Variants in CD163L1 observed in about 807,000 individuals in gnomAD.
CD163L1 encodes CD163 molecule like 1.
A neutral mutation model predicts 165.4 loss-of-function variants in CD163L1; 124 were observed. That is an observed-to-expected ratio of 0.75 (90% CI 0.65 to 0.87). The LOEUF (loss-of-function observed/expected upper bound fraction) is 0.87. CD163L1 is among the 40% of genes least tolerant of loss of function. The pLI, the probability that CD163L1 is intolerant of heterozygous loss-of-function variation, is 0.00. For missense variants in CD163L1, 1,525 were observed against 1,799.9 expected (o/e 0.85, Z 2.76); for synonymous variants, 585 against 662.2 (o/e 0.88, Z 1.79).
rs747769128 is a variant in CD163L1 at position 7,444,118 on chromosome 12, G to A, written c.10C>T (p.Pro4Ser). Reference sequence around the variant, plus strand: ...TTACCAATATGCCACGAGTTTTGAGGCAGCATCATTATGGGTCTATCTCTT... The same window carrying A: ...TTACCAATATGCCACGAGTTTTGAGACAGCATCATTATGGGTCTATCTCTT... Reference protein sequence around the residue: MMLPQNSWHIDFGR... With the variant: MMLSQNSWHIDFGR... The change falls in exon 1 of 20, where the codon CCT (proline) becomes TCT (serine). Residue 4 changes from proline to serine, a missense_variant. Physicochemically the swap from Pro to Ser is moderately conservative, Grantham distance 74 (BLOSUM62 -1). Transcript: ENST00000313599. 19 of 1,613,620 alleles carry A rather than the reference G, an allele frequency of 1.2e-5. No individual in the cohort carries two copies. Among genetic ancestry groups the A allele is most frequent in the Admixed American group, 3.3e-5 (2 of 59,992 alleles).
chr12:7,441,227 ACAG>A lies in CD163L1; in HGVS notation c.48_50del (p.Cys17del), dbSNP rs747633605. The A allele has an allele frequency of 6.2e-7, 1 of 1,613,968 alleles. No homozygotes were observed. The highest frequency in any genetic ancestry group is 1.1e-5 in the South Asian group (1 of 91,054). ...CCACAGCAGAGAAAAGGTTCTGATGACAGCAGCATCTTCCAAAATCTGGAGAAA... is the reference window on the plus strand; with the variant it reads ...CCACAGCAGAGAAAAGGTTCTGATGACAGCATCTTCCAAAATCTGGAGAAA... On this transcript the variant is annotated inframe_deletion, in exon 2 of 20. Coordinates refer to ENST00000313599, the MANE Select transcript of CD163L1 (RefSeq NM_174941.6).
downstream of CD163L1, among the ~76,000 whole-genome samples, chr12:7,353,210 T>C (rs1308601556): frequency 6.6e-6 from 1 of 151,988 alleles, no homozygotes; most frequent in African/African-American, 2.4e-5. Flanking sequence ...ATAGTAACTT[T>C]AAAATTCCAG....
Position 7,369,849 on chromosome 12 carries a change from G to A in CD163L1, c.3731-184C>T, listed in dbSNP as rs777805048. 5.3e-5 allele frequency among the ~76,000 whole-genome samples: 8 copies of A among 152,296 alleles called. No homozygotes were observed. Among genetic ancestry groups the A allele is most frequent in the African/African-American group, 1.9e-4 (8 of 41,554 alleles). On this transcript the variant is annotated intron_variant, in intron 14 of 19. Coordinates refer to ENST00000313599, the MANE Select transcript of CD163L1 (RefSeq NM_174941.6). The surrounding 1 kb of genome is among the most constrained non-coding windows in gnomAD (Gnocchi z 4.9). ...AGTGAATAAACCCCTATACATGACT[G>A]TGGTTTGTCCTAGTCACACTCAAGG...
chr12:7,414,169 C>A (rs1198573140), intron 4 of CD163L1, among the ~76,000 whole-genome samples: 1 of 152,046 alleles, frequency 6.6e-6, no homozygotes, highest in African/African-American at 2.4e-5. Context: ...GAATGCTCTT[C>A]TTAAAGAAAC....
At chr12:7,421,076 TATATATATAC>T (rs1565808966) in intron 4 of CD163L1, among the ~76,000 whole-genome samples, 3,334 of 94,028 alleles carry the variant, frequency 0.035, 72 homozygotes, top group Admixed American at 0.097. Flanking sequence ...TATATATACG[TATATATATAC>T]GTATATATAT....
At position 7,373,496 on chromosome 12, in the gene CD163L1, C is replaced by T. The variant is rs779478020; in HGVS notation, c.3554G>A (p.Gly1185Asp). The T allele has an allele frequency of 1.2e-6, 2 of 1,614,176 alleles. No individual in the cohort carries two copies. Among genetic ancestry groups the T allele is most frequent in the South Asian group, 2.2e-5 (2 of 91,082 alleles). Residue 1185 changes from glycine to aspartate, a missense_variant, in exon 14 of 20, where the codon GGC becomes GAC. By Grantham distance (94) the Gly-to-Asp change is moderately conservative. Coordinates refer to ENST00000313599, the MANE Select transcript of CD163L1 (RefSeq NM_174941.6). ...AIAGIVCRQL[G>D]CGENGVVSLA... ...GCTGACAACTCCATTCTCCCCACAG[C>T]CCAGCTGCCTGCACACAATGCCTGC...
intron 4 of CD163L1, among the ~76,000 whole-genome samples, chr12:7,410,024 T>A (rs1228820575): frequency 6.6e-6 from 1 of 151,870 alleles, no homozygotes; most frequent in Non-Finnish European, 1.5e-5. Context: ...AGACTGAAAA[T>A]TTTGGCAGAA....
chr12:7,433,557 G>C lies in CD163L1; in HGVS notation c.262C>G (p.Gln88Glu). The C allele has an allele frequency of 6.2e-7, 1 of 1,614,114 alleles. No homozygotes were observed. Among genetic ancestry groups the C allele is most frequent in the Non-Finnish European group, 8.5e-7 (1 of 1,180,018 alleles). ...NTTASTVVCK[Q>E]LGCPFSFAMF... ...GCGAAAGAAAATGGACATCCAAGCTGTTTGCACACGACAGTTGAGGCAGTA... is the reference window on the plus strand; with the variant it reads ...GCGAAAGAAAATGGACATCCAAGCTCTTTGCACACGACAGTTGAGGCAGTA... Residue 88 changes from glutamine (Q) to glutamate (E), a missense_variant, in exon 3 of 20, where the codon CAG (glutamine) becomes GAG (glutamate). Coordinates refer to ENST00000313599, the MANE Select transcript of CD163L1 (RefSeq NM_174941.6).
At chr12:7,395,005 A>G (rs1747332849) in intron 8 of CD163L1, among the ~76,000 whole-genome samples, 1 of 152,216 alleles carries the variant, frequency 6.6e-6, no homozygotes. Context: ...GGGAGTGTAA[A>G]TTAGTTCAAC....
intron 4 of CD163L1, among the ~76,000 whole-genome samples, chr12:7,421,743 GTGTATA>G (rs1302265697): frequency 2.8e-3 from 22 of 7,804 alleles, no homozygotes; most frequent in Middle Eastern, 0.062. Flanking sequence ...ATATGTGTGT[GTGTATA>G]TATATATATA....
chr12:7,348,827 T>C (rs934646689), intron 4 of CD163L1, among the ~76,000 whole-genome samples: 6 of 151,058 alleles, frequency 4.0e-5, no homozygotes, highest in African/African-American at 1.5e-4. Flanking sequence ...TTTTTTTTTT[T>C]CAAAATAAAT....
chr12:7,364,667 C>A (rs1484184180), intron 18 of CD163L1, among the ~76,000 whole-genome samples: 2 of 151,732 alleles, frequency 1.3e-5, no homozygotes, highest in Non-Finnish European at 2.9e-5. Context: ...AAAAAGAAAT[C>A]AAAAAGCAAT....
chr12:7,362,313 T>C (rs1196298692), intron 18 of CD163L1, among the ~76,000 whole-genome samples: 1 of 139,716 alleles, frequency 7.2e-6, no homozygotes, highest in African/African-American at 2.6e-5. Context: ...TATATAATTA[T>C]ATTAAATTAT....
At chr12:7,385,061 T>C (rs1224492855) in intron 8 of CD163L1, among the ~76,000 whole-genome samples, 8 of 151,776 alleles carry the variant, frequency 5.3e-5, no homozygotes. Context: ...ATTGGCTGAA[T>C]GGATTAAAAA....
At chr12:7,380,335 A>ATACACACATGTATGTGTGTATACG (rs1565784163) in intron 8 of CD163L1, among the ~76,000 whole-genome samples, 2 of 112,484 alleles carry the variant, frequency 1.8e-5, no homozygotes, top group African/African-American at 6.7e-5. Context: ...GTATGTATAC[A>ATACACACATGTATGTGTGTATACG]CGTATACATA....
chr12:7,421,022 TAC>T (rs1555202002), intron 4 of CD163L1, among the ~76,000 whole-genome samples: 9 of 78,414 alleles, frequency 1.1e-4, no homozygotes, highest in East Asian at 7.1e-4. Flanking sequence ...TGTATATATA[TAC>T]ATATATATAT....
At chr12:7,402,275 G>A (rs1030708148) in intron 6 of CD163L1, among the ~76,000 whole-genome samples, 3 of 151,854 alleles carry the variant, frequency 2.0e-5, no homozygotes, top group African/African-American at 7.3e-5. Context: ...TAAGGGTGTG[G>A]GAAAATGCAA....
chr12:7,416,137 T>C (rs1429859314), intron 4 of CD163L1, among the ~76,000 whole-genome samples: 1 of 152,240 alleles, frequency 6.6e-6, no homozygotes, highest in Non-Finnish European at 1.5e-5. Flanking sequence ...GTGAAATGTA[T>C]CTCATTGTGG....
chr12:7,409,535 C>A (rs1948091916), intron 4 of CD163L1, among the ~76,000 whole-genome samples: 1 of 152,160 alleles, frequency 6.6e-6, no homozygotes, highest in Non-Finnish European at 1.5e-5. Context: ...GTTTGCGCTC[C>A]TGTGAGAATC....
Sources: gnomAD v4.1 joint callset for allele counts (sites outside exome capture counted in the v4.1 genomes callset) on GRCh38, gnomAD v4.1.1 for gene constraint, Gnocchi (gnomAD v3.1) non-coding constraint, MANE v1.5 for transcripts, NCBI Gene and HGNC (gene_info 2026-07-23, HGNC 2026-07-21) for gene names.